Variants in BIN2 observed in about 807,000 individuals in gnomAD.
BIN2 encodes the protein bridging integrator 2.
Under a neutral mutation model 67.9 loss-of-function variants are expected in BIN2, and 43 were observed. The observed-to-expected ratio is 0.63, with a 90% confidence interval of 0.50 to 0.82. The LOEUF is 0.82. BIN2 is among the 40% of genes least tolerant of loss of function. The probability of loss-of-function intolerance (pLI) is 0.00; values close to 1 mark genes in which losing one functional copy is unlikely to be tolerated. For missense variants in BIN2, 581 were observed against 671.6 expected, an observed-to-expected ratio of 0.87 and a Z score of 1.49; for synonymous variants, 244 against 246.8, an observed-to-expected ratio of 0.99 and a Z score of 0.11.
intron 12 of BIN2, 79 bp from the exon 13 acceptor site, chr12:51,281,607 C>T: frequency 6.9e-7 from 1 of 1,453,244 alleles, no homozygotes; most frequent in Non-Finnish European, 9.7e-7. Flanking sequence ...ACTCAGTTTG[C>T]TTCTACTGAA....
intron 10 of BIN2, among the ~76,000 whole-genome samples, chr12:51,289,079 AT>A (rs1945319313): frequency 6.6e-6 from 1 of 151,862 alleles, no homozygotes; most frequent in African/African-American, 2.4e-5. Context: ...AAGAGAACTA[AT>A]TTTCAAGGCG....
chr12:51,317,276 A>G (rs1211571000), intron 1 of BIN2, among the ~76,000 whole-genome samples: 1 of 152,196 alleles, frequency 6.6e-6, no homozygotes, highest in African/African-American at 2.4e-5. Flanking sequence ...CAGGAACTAG[A>G]TATTTAATAA....
chr12:51,324,565 A>G, upstream of BIN2: 1 of 1,512,386 alleles, frequency 6.6e-7, no homozygotes, highest in East Asian at 2.5e-5. Flanking sequence ...GCCGCCATGT[A>G]CACTGCGTTT....
chr12:51,299,186 T>G lies in BIN2; in HGVS notation c.602+17A>C. 6.3e-7 allele frequency: 1 copy of G among 1,594,136 alleles called. No homozygotes were observed. Among genetic ancestry groups the G allele is most frequent in the Non-Finnish European group, 8.6e-7 (1 of 1,162,198 alleles). On this transcript the variant is annotated intron_variant, in intron 7 of 12. Coordinates refer to ENST00000615107, the MANE Select transcript of BIN2 (RefSeq NM_016293.4). ...TTGTGTGAAGCAAAGGCACCTTTTCTGAATTTCAGTCATTACCTATTATAA... is the reference window on the plus strand; with the variant it reads ...TTGTGTGAAGCAAAGGCACCTTTTCGGAATTTCAGTCATTACCTATTATAA...
intron 2 of BIN2, among the ~76,000 whole-genome samples, chr12:51,313,216 A>AAGGAAGGC (rs1388278685): frequency 8.7e-5 from 8 of 91,642 alleles, no homozygotes; most frequent in African/African-American, 1.2e-4. Flanking sequence ...GGAAGGAAGG[A>AAGGAAGGC]AGGAAGGCAG....
chr12:51,310,132 C>A (rs934563724), intron 2 of BIN2, among the ~76,000 whole-genome samples: 3 of 152,144 alleles, frequency 2.0e-5, no homozygotes, highest in Admixed American at 2.0e-4. Context: ...TGGAAGAATA[C>A]AATAACACCT....
rs1478871913 is a variant in BIN2 at position 51,307,064 on chromosome 12, T to G, written c.163-3923A>C. ...CTTTGGGAGGCCGAGGCGGGCAGAT[T>G]GTGAGGTCAAGAGATCGAGACCAGA... On this transcript the variant is annotated intron_variant, in intron 2 of 12. Transcript: ENST00000615107. Among the ~76,000 whole-genome samples, 3 of 150,300 alleles carry G rather than the reference T, an allele frequency of 2.0e-5. No homozygotes were observed. The East Asian group carries it at 6.1e-4, about 30-fold the overall frequency.
intron 4 of BIN2, 168 bp downstream of exon 4, chr12:51,302,518 C>A: frequency 4.7e-6 from 3 of 636,018 alleles, no homozygotes; most frequent in South Asian, 1.9e-5. Flanking sequence ...TTGTTTTTAC[C>A]TTAACAGTTG....
chr12:51,295,443 G>GT (rs1296124008), intron 9 of BIN2, among the ~76,000 whole-genome samples: 4 of 147,184 alleles, frequency 2.7e-5, no homozygotes, highest in Non-Finnish European at 6.0e-5. Flanking sequence ...GGCGCCTGTA[G>GT]TCCCAGCTAC....
chr12:51,307,048 G>A (rs1351719553), intron 2 of BIN2, among the ~76,000 whole-genome samples: 1 of 152,088 alleles, frequency 6.6e-6, no homozygotes, highest in African/African-American at 2.4e-5. Flanking sequence ...ACTTTGGGAG[G>A]CCGAGGCGGG....
rs1945738137 is a variant in BIN2 at position 51,302,094 on chromosome 12, C to T, written c.334G>A (p.Asp112Asn). 1 of 1,612,884 alleles carries T rather than the reference C, an allele frequency of 6.2e-7. No individual in the cohort carries two copies. Among genetic ancestry groups the T allele is most frequent in the Admixed American group, 1.7e-5 (1 of 60,014 alleles). ...IVWNNDLLWE[D>N]YEEKLADQAV... ...TGGTCAGCCAGTTTCTCCTCGTAGT[C>T]TTCCCAAAGGAGATCATTATTCTGT... is the stretch of plus-strand genomic sequence containing the variant. The change falls in exon 5 of 13, where the codon GAC becomes AAC. Residue 112 changes from aspartate (D) to asparagine (N), a missense_variant. Physicochemically the swap from Asp to Asn is conservative, Grantham distance 23 (BLOSUM62 1). Coordinates refer to ENST00000615107, the MANE Select transcript of BIN2 (RefSeq NM_016293.4).
chr12:51,294,381 G>A (rs943655841), intron 9 of BIN2, among the ~76,000 whole-genome samples: 48 of 152,054 alleles, frequency 3.2e-4, no homozygotes, highest in African/African-American at 9.2e-4. Context: ...AGCCTGGCCA[G>A]TATGGTGAAA....
At chr12:51,321,314 T>G (rs954418172) in intron 1 of BIN2, among the ~76,000 whole-genome samples, 1 of 152,172 alleles carries the variant, frequency 6.6e-6, no homozygotes, top group Non-Finnish European at 1.5e-5. Flanking sequence ...AAAACAGAGA[T>G]GCTAATAACC....
At chr12:51,300,359 G>T (rs146755560) in intron 5 of BIN2, among the ~76,000 whole-genome samples, 373 of 152,054 alleles carry the variant, frequency 2.5e-3, no homozygotes, top group Non-Finnish European at 3.8e-3. Flanking sequence ...TTATAAACTG[G>T]TTCAGCCTCC....
intron 2 of BIN2, among the ~76,000 whole-genome samples, chr12:51,306,350 G>A (rs1171960115): frequency 6.6e-6 from 1 of 152,222 alleles, no homozygotes; most frequent in African/African-American, 2.4e-5. Context: ...AAGTAGGCCA[G>A]GCGAGGTAGC....
Position 51,297,070 on chromosome 12 carries a change from T to G in BIN2, c.678+19A>C. 1 of 1,603,984 alleles carries G rather than the reference T, an allele frequency of 6.2e-7. No homozygotes were observed. Among genetic ancestry groups the G allele is most frequent in the Non-Finnish European group, 8.5e-7 (1 of 1,171,376 alleles). ...TAGAAAACACACCTAGGAGCCTCAA[T>G]TGGCCAGACACCTCTCACCTTGCTC... On this transcript the variant is annotated intron_variant, in intron 8 of 12. Coordinates refer to ENST00000615107, the MANE Select transcript of BIN2 (RefSeq NM_016293.4).
At chr12:51,323,462 G>GGGTAC (rs1565695201) in intron 1 of BIN2, among the ~76,000 whole-genome samples, 3 of 151,874 alleles carry the variant, frequency 2.0e-5, no homozygotes, top group African/African-American at 7.3e-5. Flanking sequence ...AGGGAGGGTA[G>GGGTAC]AAGAAGCAGA....
intron 8 of BIN2, among the ~76,000 whole-genome samples, chr12:51,296,541 C>T (rs1158921963): frequency 1.3e-5 from 2 of 151,322 alleles, no homozygotes; most frequent in Non-Finnish European, 2.9e-5. Flanking sequence ...ATTAACTAGG[C>T]AAATCATACT....
At position 51,324,113 on chromosome 12, in the gene BIN2, C is replaced by T. The variant is rs1946369067; in HGVS notation, c.-11G>A. 27 of 1,612,312 alleles carry T rather than the reference C, an allele frequency of 1.7e-5. No homozygotes were observed. Among genetic ancestry groups the T allele is most frequent in the Non-Finnish European group, 2.3e-5 (27 of 1,179,192 alleles). On this transcript the variant is annotated 5_prime_UTR_variant, in exon 1 of 13. Transcript: ENST00000615107. ...CTTGCCCTCTGCCATCCTGCCAACT[C>T]CCTGGGGGCCGCCGCCCTGGCCCCG... is the stretch of plus-strand genomic sequence containing the variant.
Sources: gnomAD v4.1 joint callset for allele counts (sites outside exome capture counted in the v4.1 genomes callset) on GRCh38, gnomAD v4.1.1 for gene constraint, MANE v1.5 for transcripts, NCBI Gene and HGNC (gene_info 2026-07-23, HGNC 2026-07-21) for gene names.